The following RARB variants were observed in gnomAD, a reference collection of about 807,000 sequenced individuals.
The protein encoded by RARB is retinoic acid receptor beta.
Under a neutral mutation model 51.9 loss-of-function variants are expected in RARB, and 17 were observed. That is an observed-to-expected ratio of 0.33 (90% CI 0.22 to 0.49). The LOEUF (loss-of-function observed/expected upper bound fraction) is 0.49, where lower values mean the gene tolerates loss of function less well. Among genes scored for constraint, RARB ranks in the 20% least tolerant of loss-of-function variants. The pLI is 0.99. For missense variants in RARB, 369 were observed against 550.8 expected (o/e 0.67, Z 3.30); for synonymous variants, 215 against 195.4 (o/e 1.10, Z -0.84).
At chr3:25,241,216 G>A (rs1429921913) in intron 5 of RARB, among the ~76,000 whole-genome samples, 1 of 152,040 alleles carries the variant, frequency 6.6e-6, no homozygotes, top group Non-Finnish European at 1.5e-5. Context: ...ACATATATTT[G>A]TACAATTTCC....
rs1005141095 is a variant in RARB, at chr3:25,412,483, T to C, written c.179-48710T>C. ...TATCTGACCTGCTCATGTTGAGAGC[T>C]CCTTCCATTCTCAAGACTGTTGACC... On this transcript the variant is annotated intron_variant, in intron 5 of 11. Transcript: ENST00000383772. Among the ~76,000 whole-genome samples, 3 of 152,178 alleles carry C rather than the reference T, an allele frequency of 2.0e-5. No individual in the cohort carries two copies. In the South Asian group the frequency reaches 6.2e-4, roughly 31 times the overall value.
intron 5 of RARB, among the ~76,000 whole-genome samples, chr3:25,284,823 G>A (rs983984455): frequency 6.6e-6 from 1 of 152,202 alleles, no homozygotes; most frequent in Non-Finnish European, 1.5e-5. Context: ...GGATGCCAAA[G>A]CTAGGTACAC....
intron 2 of RARB, chr3:25,020,142 ATT>A (rs1299109196): frequency 1.6e-4 from 3 of 18,788 alleles, no homozygotes; most frequent in Non-Finnish European, 2.3e-4. Flanking sequence ...TATTATTATT[ATT>A]ATTATTATTA....
chr3:25,230,050 A>C (rs1262836138), intron 5 of RARB, among the ~76,000 whole-genome samples: 1 of 152,154 alleles, frequency 6.6e-6, no homozygotes, highest in Non-Finnish European at 1.5e-5. Context: ...AAATAAAAAT[A>C]AATAATGAAT....
At chr3:25,070,850 G>T in intron 3 of RARB, among the ~76,000 whole-genome samples, 1 of 152,140 alleles carries the variant, frequency 6.6e-6, no homozygotes, top group Admixed American at 6.5e-5. Context: ...ACTTTAACAT[G>T]CCCAGTGTAC....
intron 1 of RARB, among the ~76,000 whole-genome samples, chr3:24,838,408 G>A (rs755015636): frequency 2.0e-5 from 3 of 152,086 alleles, no homozygotes; most frequent in Non-Finnish European, 4.4e-5. Flanking sequence ...CAGATAGCAT[G>A]GCCAGAATTT....
At chr3:25,402,248 T>G (rs984005769) in intron 5 of RARB, among the ~76,000 whole-genome samples, 2 of 152,192 alleles carry the variant, frequency 1.3e-5, no homozygotes, top group Non-Finnish European at 2.9e-5. Flanking sequence ...CAAAGCCAGT[T>G]TCATCCAACA....
chr3:24,894,080 CTT>C (rs964281644), intron 2 of RARB, among the ~76,000 whole-genome samples: 12 of 152,118 alleles, frequency 7.9e-5, no homozygotes, highest in Admixed American at 2.6e-4. Context: ...CATTTTTAGT[CTT>C]TGAGAATCTT....
At chr3:25,100,482 T>C (rs1699379208) in intron 3 of RARB, among the ~76,000 whole-genome samples, 4 of 152,148 alleles carry the variant, frequency 2.6e-5, no homozygotes, top group Admixed American at 2.6e-4. Flanking sequence ...CAGAGAAGAC[T>C]TTAAGCTCAG....
At chr3:24,915,663 C>T (rs1338240037) in intron 2 of RARB, among the ~76,000 whole-genome samples, 1 of 152,144 alleles carries the variant, frequency 6.6e-6, no homozygotes, top group Non-Finnish European at 1.5e-5. Context: ...ATGTGTTTGC[C>T]ATACAGCGTT....
chr3:24,911,862 A>C (rs368859884), intron 2 of RARB, among the ~76,000 whole-genome samples: 2 of 152,178 alleles, frequency 1.3e-5, no homozygotes, highest in African/African-American at 4.8e-5. Context: ...TTTTCTATAG[A>C]CTTCACTAGA....
Position 25,236,829 on chromosome 3 carries a change from T to C in RARB, c.178+62254T>C, listed in dbSNP as rs541997540. Among the ~76,000 whole-genome samples, 129 of 152,050 alleles carry C rather than the reference T, an allele frequency of 8.5e-4. 1 individual carries two copies. The highest frequency in any genetic ancestry group is 1.4e-3 in the Non-Finnish European group (97 of 67,910). Reference sequence around the variant, plus strand: ...TAAGAGTGCTAGGAACTTTTTTGAATGTAAGTATTATTTATCTGGAAGATC... The same window carrying C: ...TAAGAGTGCTAGGAACTTTTTTGAACGTAAGTATTATTTATCTGGAAGATC... On this transcript the variant is annotated intron_variant, in intron 5 of 11. Coordinates refer to the RARB transcript ENST00000383772.
chr3:25,138,629 T>G (rs1700066974), intron 4 of RARB, among the ~76,000 whole-genome samples: 2 of 152,144 alleles, frequency 1.3e-5, no homozygotes, highest in Non-Finnish European at 1.5e-5. Flanking sequence ...AGTTCAAGAT[T>G]ATGTTTATTA....
At chr3:25,087,568 A>G (rs1239655672) in intron 3 of RARB, among the ~76,000 whole-genome samples, 2 of 152,162 alleles carry the variant, frequency 1.3e-5, no homozygotes, top group African/African-American at 2.4e-5. Flanking sequence ...AATACCTCAT[A>G]GGTTCGTTCA....
At chr3:25,433,646 G>C (rs374978775) in intron 1 of RARB, among the ~76,000 whole-genome samples, 45 of 152,268 alleles carry the variant, frequency 3.0e-4, no homozygotes, top group Middle Eastern at 3.4e-3. Flanking sequence ...TCAGGTTTCA[G>C]ATTTATCAGT....
chr3:25,259,743 G>A (rs994986773), intron 5 of RARB, among the ~76,000 whole-genome samples: 1 of 152,162 alleles, frequency 6.6e-6, no homozygotes, highest in African/African-American at 2.4e-5. Context: ...TATTGAAAAT[G>A]TTAAAGCATT....
chr3:25,193,385 T>G (rs1701150398), intron 5 of RARB, among the ~76,000 whole-genome samples: 1 of 152,046 alleles, frequency 6.6e-6, no homozygotes, highest in South Asian at 2.1e-4. Flanking sequence ...AAAACCTGTT[T>G]GCACTGAAGT....
At chr3:24,878,372 T>TTC (rs1559380170) in intron 2 of RARB, among the ~76,000 whole-genome samples, 1 of 152,004 alleles carries the variant, frequency 6.6e-6, no homozygotes, top group East Asian at 1.9e-4. Flanking sequence ...ATTTTTTTTT[T>TTC]CCCTGCTTGT....
At chr3:25,347,475 C>T (rs1705429523) in intron 5 of RARB, among the ~76,000 whole-genome samples, 1 of 152,158 alleles carries the variant, frequency 6.6e-6, no homozygotes, top group Non-Finnish European at 1.5e-5. Context: ...TTATATATAA[C>T]AAAGAAAATT....
Sources: allele counts gnomAD v4.1 joint callset (sites outside exome capture counted in the v4.1 genomes callset), GRCh38; gene constraint gnomAD v4.1.1; transcripts MANE v1.5; gene names NCBI Gene and HGNC (gene_info 2026-07-23, HGNC 2026-07-21).